Variants in PRIM2 observed in about 807,000 individuals in gnomAD.
PRIM2 encodes the protein DNA primase subunit 2.
Under a neutral mutation model 67.3 loss-of-function variants are expected in PRIM2, and 39 were observed. That is an observed-to-expected ratio of 0.58 (90% CI 0.45 to 0.76). The LOEUF (loss-of-function observed/expected upper bound fraction) is 0.76, where lower values mean the gene tolerates loss of function less well. Ranked by LOEUF, PRIM2 falls within the 30% of genes least tolerant of loss-of-function variation. The pLI, the probability that PRIM2 is intolerant of heterozygous loss-of-function variation, is 0.00. For missense variants in PRIM2, 398 were observed against 598.7 expected (o/e 0.66, Z 3.50); for synonymous variants, 143 against 198.7 (o/e 0.72, Z 2.36).
chr6:57,555,845 A>T (rs1775504531), intron 10 of PRIM2, among the ~76,000 whole-genome samples: 1 of 152,216 alleles, frequency 6.6e-6, no homozygotes, highest in Admixed American at 6.5e-5. Context: ...ATTGCTGAAC[A>T]CCTGGCTAAA....
At chr6:57,611,584 G>C (rs1776667020) in intron 12 of PRIM2, among the ~76,000 whole-genome samples, 1 of 152,012 alleles carries the variant, frequency 6.6e-6, no homozygotes, top group Non-Finnish European at 1.5e-5. Flanking sequence ...AGAACAATTG[G>C]ATATCTAAAT....
chr6:57,580,049 A>C (rs1277524407), intron 10 of PRIM2, among the ~76,000 whole-genome samples: 3 of 152,156 alleles, frequency 2.0e-5, no homozygotes, highest in Non-Finnish European at 4.4e-5. Flanking sequence ...TAACATTTGT[A>C]GGATTAAGGA....
At chr6:57,291,656 G>C in the PRIM2 span, among the ~76,000 whole-genome samples, 4 of 152,150 alleles carry the variant, frequency 2.6e-5, no homozygotes, top group Non-Finnish European at 2.9e-5. Flanking sequence ...CCACGATCAA[G>C]TTGGCTTCAT....
intron 12 of PRIM2, among the ~76,000 whole-genome samples, chr6:57,630,438 G>C (rs1231184607): frequency 2.0e-5 from 3 of 151,766 alleles, no homozygotes; most frequent in Admixed American, 2.0e-4. Flanking sequence ...CAATACATCT[G>C]TTTTTCTCAC....
At chr6:57,463,567 T>G in intron 7 of PRIM2, among the ~76,000 whole-genome samples, 1 of 152,348 alleles carries the variant, frequency 6.6e-6, no homozygotes, top group East Asian at 1.9e-4. Context: ...TTTAATTATT[T>G]ATCCTGATTT....
At chr6:57,494,518 C>A (rs1243409321) in intron 7 of PRIM2, among the ~76,000 whole-genome samples, 1 of 152,046 alleles carries the variant, frequency 6.6e-6, no homozygotes, top group East Asian at 1.9e-4. Flanking sequence ...TACTAGGTGA[C>A]CTAAGTTAAC....
At chr6:57,482,696 G>A (rs1285596739) in intron 7 of PRIM2, among the ~76,000 whole-genome samples, 4 of 152,172 alleles carry the variant, frequency 2.6e-5, no homozygotes, top group Non-Finnish European at 5.9e-5. Flanking sequence ...AAGCTACAGA[G>A]CAAAGATGCT....
intron 3 of PRIM2, among the ~76,000 whole-genome samples, chr6:57,322,482 A>C (rs4715652): frequency 6.6e-6 from 1 of 151,938 alleles, no homozygotes; most frequent in African/African-American, 2.4e-5. Flanking sequence ...CCATGCTGCT[A>C]TTCTAGATAG....
chr6:57,341,496 T>A (rs892156973), intron 5 of PRIM2, among the ~76,000 whole-genome samples: 3 of 152,146 alleles, frequency 2.0e-5, no homozygotes, highest in Non-Finnish European at 2.9e-5. Context: ...GACTCTCCCA[T>A]GGCATCTGAT....
intron 10 of PRIM2, among the ~76,000 whole-genome samples, chr6:57,578,402 G>A (rs1776001282): frequency 6.6e-6 from 1 of 151,852 alleles, no homozygotes; most frequent in South Asian, 2.1e-4. Context: ...TCATCACTAA[G>A]GTGCTCTAAA....
intron 8 of PRIM2, among the ~76,000 whole-genome samples, chr6:57,528,724 T>A (rs1416155835): frequency 1.3e-5 from 2 of 152,254 alleles, no homozygotes; most frequent in Admixed American, 6.5e-5. Context: ...TAAGGGTCAA[T>A]GGCATGGCCT....
At chr6:57,232,664 A>G in the PRIM2 span, among the ~76,000 whole-genome samples, 16 of 152,344 alleles carry the variant, frequency 1.1e-4, no homozygotes, top group Middle Eastern at 3.4e-3. Context: ...AACCTGTAAT[A>G]GGATATATAG....
At chr6:57,274,354 C>T in the PRIM2 span, among the ~76,000 whole-genome samples, 10 of 152,204 alleles carry the variant, frequency 6.6e-5, no homozygotes, top group South Asian at 2.1e-4. Context: ...AGCCTCCCTG[C>T]GGCCTTGCAG....
At chr6:57,252,826 C>G in the PRIM2 span, among the ~76,000 whole-genome samples, 73,589 of 152,072 alleles carry the variant, frequency 0.48, 18,279 homozygotes, top group East Asian at 0.79. Flanking sequence ...CAGCTCTGTT[C>G]TTTTCCAATC....
intron 13 of PRIM2, among the ~76,000 whole-genome samples, chr6:57,642,663 A>G (rs1777264837): frequency 2.0e-5 from 3 of 151,790 alleles, no homozygotes; most frequent in Admixed American, 1.3e-4. Flanking sequence ...GGATGGTCTC[A>G]ATCTCCTGAC....
At chr6:57,580,520 T>C (rs1194020065) in intron 10 of PRIM2, among the ~76,000 whole-genome samples, 5 of 152,184 alleles carry the variant, frequency 3.3e-5, no homozygotes, top group Admixed American at 1.3e-4. Flanking sequence ...CAAGTGGTCA[T>C]AGGGAAGTAT....
intron 7 of PRIM2, among the ~76,000 whole-genome samples, chr6:57,452,419 A>G (rs373002091): frequency 2.0e-5 from 3 of 152,086 alleles, no homozygotes; most frequent in Admixed American, 2.0e-4. Flanking sequence ...AAGTGTTCCT[A>G]TTTCTCCACA....
chr6:57,625,949 AT>A (rs1776943335), intron 12 of PRIM2, among the ~76,000 whole-genome samples: 1 of 152,170 alleles, frequency 6.6e-6, no homozygotes, highest in Admixed American at 6.5e-5. Context: ...TCTCCACCAC[AT>A]TTTTCTTTCA....
intron 3 of PRIM2, among the ~76,000 whole-genome samples, chr6:57,323,554 T>C (rs1767733136): frequency 6.6e-6 from 1 of 152,100 alleles, no homozygotes; most frequent in Non-Finnish European, 1.5e-5. Context: ...CTGAAAAGCA[T>C]ATTAAGAAAT....
Sources: allele counts gnomAD v4.1 joint callset (sites outside exome capture counted in the v4.1 genomes callset), GRCh38; gene constraint gnomAD v4.1.1; transcripts MANE v1.5; gene names NCBI Gene and HGNC (gene_info 2026-07-23, HGNC 2026-07-21).